Variants in NRG1 observed in about 807,000 individuals in gnomAD.
NRG1 encodes neuregulin 1.
NRG1 carries 18 observed loss-of-function variants against 63.8 expected under a neutral mutation model. The observed-to-expected ratio is 0.28, with a 90% confidence interval of 0.19 to 0.42. The LOEUF is 0.42. Ranked by LOEUF, NRG1 falls within the 10% of genes least tolerant of loss-of-function variation. The pLI, the probability that NRG1 is intolerant of heterozygous loss-of-function variation, is 1.00. For missense variants in NRG1, 762 were observed against 814.7 expected (o/e 0.94, Z 0.79); for synonymous variants, 302 against 301.3 (o/e 1.00, Z -0.02).
At chr8:31,906,195 A>C (rs570684464) in intron 1 of NRG1, among the ~76,000 whole-genome samples, 19 of 152,172 alleles carry the variant, frequency 1.2e-4, no homozygotes, top group Non-Finnish European at 2.5e-4. Context: ...AGGATTATCC[A>C]CTTCCAAGCT....
chr8:32,428,284 T>C (rs978320098), intron 1 of NRG1, among the ~76,000 whole-genome samples: 1 of 152,068 alleles, frequency 6.6e-6, no homozygotes, highest in African/African-American at 2.4e-5. Context: ...ATGGGTGAAA[T>C]GTAATAAAAT....
At chr8:32,760,334 G>A (rs769244381) in exon 11 of NRG1, 6 of 1,613,962 alleles carry the variant, frequency 3.7e-6, no homozygotes, top group South Asian at 3.3e-5. Flanking sequence ...GGAGGCCCTC[G>A]TGAATGTAAC....
downstream of NRG1, among the ~76,000 whole-genome samples, chr8:32,768,990 T>C (rs1267504433): frequency 6.6e-6 from 1 of 152,160 alleles, no homozygotes; most frequent in East Asian, 1.9e-4. Flanking sequence ...ATTAATAAAT[T>C]TTCAAAAATG....
intron 1 of NRG1, among the ~76,000 whole-genome samples, chr8:32,407,309 T>A (rs1814191375): frequency 3.3e-4 from 1 of 2,994 alleles, no homozygotes. Flanking sequence ...TATATATATA[T>A]ATATATATAT....
At chr8:32,157,349 ACT>A (rs1838217940) in intron 1 of NRG1, among the ~76,000 whole-genome samples, 1 of 109,728 alleles carries the variant, frequency 9.1e-6, no homozygotes, top group Admixed American at 1.2e-4. Flanking sequence ...ACAGAGTGAG[ACT>A]CTGTCTCAAA....
chr8:32,676,461 G>T (rs1289152054), intron 5 of NRG1, among the ~76,000 whole-genome samples: 1 of 152,170 alleles, frequency 6.6e-6, no homozygotes, highest in Non-Finnish European at 1.5e-5. Context: ...ACAGAAGTTT[G>T]TTAACCTAGT....
At chr8:32,073,941 A>G (rs1173788088) in intron 1 of NRG1, among the ~76,000 whole-genome samples, 2 of 152,170 alleles carry the variant, frequency 1.3e-5, no homozygotes, top group African/African-American at 2.4e-5. Context: ...ATCAAGGTGG[A>G]TGACTTACTG....
chr8:32,057,812 C>G (rs1239732787), intron 1 of NRG1, among the ~76,000 whole-genome samples: 1 of 152,064 alleles, frequency 6.6e-6, no homozygotes, highest in African/African-American at 2.4e-5. Flanking sequence ...CTTTATGGTT[C>G]CTGACCTTGT....
intron 1 of NRG1, among the ~76,000 whole-genome samples, chr8:31,938,328 C>A (rs1298006203): frequency 6.6e-6 from 1 of 152,154 alleles, no homozygotes; most frequent in Non-Finnish European, 1.5e-5. Context: ...CAATTCATCT[C>A]TCAGAAAGCC....
intron 1 of NRG1, among the ~76,000 whole-genome samples, chr8:32,266,392 A>G (rs895271518): frequency 6.6e-6 from 1 of 152,200 alleles, no homozygotes; most frequent in African/African-American, 2.4e-5. Flanking sequence ...GAATATTAAT[A>G]TCTAACAGCT....
chr8:32,717,853 G>T (rs865845293), intron 5 of NRG1, among the ~76,000 whole-genome samples: 1 of 152,168 alleles, frequency 6.6e-6, no homozygotes, highest in Non-Finnish European at 1.5e-5. Flanking sequence ...TTGGAAGATT[G>T]TGTCTAAATC....
chr8:32,594,225 T>C (rs929323788), intron 1 of NRG1, among the ~76,000 whole-genome samples: 2 of 152,068 alleles, frequency 1.3e-5, no homozygotes, highest in Non-Finnish European at 2.9e-5. Context: ...GTCCTTGGAG[T>C]CTTGAGCCCC....
At chr8:32,571,791 C>T (rs1422658606) in intron 1 of NRG1, among the ~76,000 whole-genome samples, 2 of 152,068 alleles carry the variant, frequency 1.3e-5, no homozygotes, top group African/African-American at 4.8e-5. Context: ...GCAGAATTTT[C>T]AAAGTTACTC....
chr8:31,831,025 CA>C lies in NRG1; in HGVS notation c.37+191595del, dbSNP rs551103900. Among the ~76,000 whole-genome samples the C allele has an allele frequency of 1.6e-3, 249 of 152,080 alleles. 1 individual carries two copies. Among genetic ancestry groups the C allele is most frequent in the Non-Finnish European group, 3.1e-3 (212 of 67,990 alleles). ...AAGAAAAAGGGAACTATATGCAAGA[CA>C]GTCAAAAACTAATTAAATGTCCTCT... On this transcript the variant is annotated intron_variant, in intron 1 of 10. Transcript: ENST00000519301.
At chr8:32,251,976 T>C (rs1849168295) in intron 1 of NRG1, among the ~76,000 whole-genome samples, 1 of 152,234 alleles carries the variant, frequency 6.6e-6, no homozygotes, top group African/African-American at 2.4e-5. Context: ...TTCATATGTT[T>C]GTTAGCCACA....
intron 1 of NRG1, among the ~76,000 whole-genome samples, chr8:31,947,751 C>A (rs1802810405): frequency 6.6e-6 from 1 of 151,766 alleles, no homozygotes; most frequent in Non-Finnish European, 1.5e-5. Context: ...CAAGACCACC[C>A]AGGGCAACAT....
In NRG1 at chr8:31,941,887, T is replaced by C. The variant is rs374120286; in HGVS notation, c.37+302456T>C. 1.2e-3 allele frequency among the ~76,000 whole-genome samples: 181 copies of C among 152,140 alleles called. 1 individual carries two copies. Among genetic ancestry groups the C allele is most frequent in the African/African-American group, 4.0e-3 (168 of 41,546 alleles). ...TACAAAACACTGCTGAAAGAAATCA[T>C]AGACAACACAAACAAATGGAAACAC... On this transcript the variant is annotated intron_variant, in intron 1 of 10. Coordinates refer to the NRG1 transcript ENST00000519301.
chr8:32,605,311 A>C (rs1845081878), intron 2 of NRG1, among the ~76,000 whole-genome samples: 1 of 152,168 alleles, frequency 6.6e-6, no homozygotes, highest in African/African-American at 2.4e-5. Flanking sequence ...ACTACAGAAG[A>C]ATTCCTTTAA....
At chr8:32,090,364 G>C (rs7838546) in intron 1 of NRG1, among the ~76,000 whole-genome samples, 29 of 152,140 alleles carry the variant, frequency 1.9e-4, no homozygotes, top group African/African-American at 7.0e-4. Flanking sequence ...AAAAGAGTCC[G>C]GGTTGAAGTG....
Sources: gnomAD v4.1 joint callset for allele counts (sites outside exome capture counted in the v4.1 genomes callset) on GRCh38, gnomAD v4.1.1 for gene constraint, MANE v1.5 for transcripts, NCBI Gene and HGNC (gene_info 2026-07-23, HGNC 2026-07-21) for gene names.